WDR83OS: variants seen among roughly 807,000 people sequenced by gnomAD.
The protein encoded by WDR83OS is WD repeat domain 83 opposite strand.
A neutral mutation model predicts 13.7 loss-of-function variants in WDR83OS; 15 were observed. The ratio of observed to expected loss-of-function variants is 1.09; its 90% CI spans 0.73 to 1.69. The LOEUF (loss-of-function observed/expected upper bound fraction) is 1.69, where lower values mean the gene tolerates loss of function less well. WDR83OS is among the 40% of genes most tolerant of loss of function. WDR83OS has a pLI of 0.00. For missense variants in WDR83OS, 145 were observed against 143.2 expected, an observed-to-expected ratio of 1.01 and a Z score of -0.06; for synonymous variants, 68 against 52.9, an observed-to-expected ratio of 1.29 and a Z score of -1.24.
At chr19:12,668,803 T>C (rs911987235) in intron 2 of WDR83OS, among the ~76,000 whole-genome samples, 186 bp from the exon 3 acceptor site, 2 of 152,202 alleles carry the variant, frequency 1.3e-5, no homozygotes, top group African/African-American at 4.8e-5. Context: ...CTAGTCCTAC[T>C]GTCTGGCCTG....
Position 12,668,338 on chromosome 19 carries a change from T to C in WDR83OS, c.*21A>G. 1.9e-6 allele frequency: 3 copies of C among 1,604,772 alleles called. 1 individual carries two copies. The highest frequency in any genetic ancestry group is 2.2e-5 in the South Asian group (2 of 89,294). On this transcript the variant is annotated 3_prime_UTR_variant, in exon 4 of 4. Coordinates refer to ENST00000596731, the MANE Select transcript of WDR83OS (RefSeq NM_016145.4). ...CCTAGTGGATAGACAGGGTCCAAAA[T>C]GTGACCCTTCTAGGCTGGTATCACC...
intron 3 of WDR83OS, 43 bp downstream of exon 3, chr19:12,668,477 A>AC (rs776444160): frequency 1.2e-6 from 2 of 1,613,424 alleles, no homozygotes; most frequent in Admixed American, 3.3e-5. Context: ...GGGTCCCCCC[A>AC]CCCCTTACTC....
At chr19:12,669,038 C>G (rs2024332914) in intron 2 of WDR83OS, 90 bp downstream of exon 2, 1 of 1,350,238 alleles carries the variant, frequency 7.4e-7, no homozygotes, top group African/African-American at 1.4e-5. Context: ...GCCCCATCAG[C>G]AATGACAAGA....
rs1362624919 is a variant in WDR83OS at position 12,668,156 on chromosome 19, C to CA, written c.*202dup. 25 of 574,984 alleles carry CA rather than the reference C, an allele frequency of 4.3e-5. No homozygotes were observed. The African/African-American group carries it at 4.7e-4, about 11-fold the overall frequency. The allele number at this position is 574,984 out of a possible 1,614,324, so 35.6% of individuals were successfully genotyped here. ...GAAACATGGACAGCATCTCCCCCAG[C>CA]AGCAGGCAGGGGAAGGGAGGCAGGA... On this transcript the variant is annotated 3_prime_UTR_variant, in exon 4 of 4. Coordinates refer to ENST00000596731, the MANE Select transcript of WDR83OS (RefSeq NM_016145.4).
Position 12,668,324 on chromosome 19 carries a change from G to T in WDR83OS, c.*35C>A. ...AGCCAAAGCCCAGGCCTAGTGGATA[G>T]ACAGGGTCCAAAATGTGACCCTTCT... On this transcript the variant is annotated 3_prime_UTR_variant, in exon 4 of 4. Coordinates refer to ENST00000596731, the MANE Select transcript of WDR83OS (RefSeq NM_016145.4). 6.3e-7 allele frequency: 1 copy of T among 1,590,558 alleles called. No individual in the cohort carries two copies. Among genetic ancestry groups the T allele is most frequent in the South Asian group, 1.1e-5 (1 of 87,792 alleles).
rs1372377105 is a variant in WDR83OS at position 12,668,318 on chromosome 19, T to A, written c.*41A>T. 2 of 1,583,388 alleles carry A rather than the reference T, an allele frequency of 1.3e-6. No individual in the cohort carries two copies. The highest frequency in any genetic ancestry group is 2.7e-5 in the African/African-American group (2 of 74,462). ...TTTAGCAGCCAAAGCCCAGGCCTAG[T>A]GGATAGACAGGGTCCAAAATGTGAC... On this transcript the variant is annotated 3_prime_UTR_variant, in exon 4 of 4. Coordinates refer to ENST00000596731, the MANE Select transcript of WDR83OS (RefSeq NM_016145.4).
In WDR83OS at chr19:12,668,632, G is replaced by A; in HGVS notation, c.157-15C>T. ...CACCACTTCAGCTAGGGAAAGGTAAGTGGGTGGGCAGGTTAGTGAAAGGCA... is the reference window on the plus strand; with the variant it reads ...CACCACTTCAGCTAGGGAAAGGTAAATGGGTGGGCAGGTTAGTGAAAGGCA... On this transcript the variant is annotated splice_polypyrimidine_tract_variant and intron_variant, in intron 2 of 3. Transcript: ENST00000596731. The A allele has an allele frequency of 6.2e-7, 1 of 1,612,326 alleles. No homozygotes were observed. Among genetic ancestry groups the A allele is most frequent in the Non-Finnish European group, 8.5e-7 (1 of 1,178,806 alleles).
At chr19:12,669,054 C>T in intron 2 of WDR83OS, 74 bp downstream of exon 2, 1 of 1,495,886 alleles carries the variant, frequency 6.7e-7, no homozygotes, top group Non-Finnish European at 9.3e-7. Context: ...CAAGACACCC[C>T]GCTTCATTCC....
In WDR83OS at chr19:12,668,091, TAAC is replaced by T; in HGVS notation, c.*265_*267del. 2 of 413,986 alleles carry T rather than the reference TAAC, an allele frequency of 4.8e-6. No individual in the cohort carries two copies. The highest frequency in any genetic ancestry group is 9.0e-6 in the Non-Finnish European group (2 of 222,754). The allele number at this position is 413,986 out of a possible 1,614,324, so 25.6% of individuals were successfully genotyped here. A position where few individuals can be genotyped will look rare whatever the true frequency, so the allele number is the denominator to read the frequency against. On this transcript the variant is annotated 3_prime_UTR_variant, in exon 4 of 4. Coordinates refer to ENST00000596731, the MANE Select transcript of WDR83OS (RefSeq NM_016145.4). ...TGACAGCCAGAGTGAAAAACTTTAT[TAAC>T]AACAGGTTTCAACGAGAAAGCAAAT...
rs779137124 is a variant in WDR83OS at position 12,668,586 on chromosome 19, C to A, written c.188G>T (p.Cys63Phe). The change falls in exon 3 of 4, where the codon TGC becomes TTC. Residue 63 changes from cysteine to phenylalanine, a missense_variant. Coordinates refer to ENST00000596731, the MANE Select transcript of WDR83OS (RefSeq NM_016145.4). ...LKWCAWVAVY[C>F]SFISFANSRS... ...AGAGTTGGCAAAGCTGATGAAGGAG[C>A]AGTAGACAGCGACCCAAGCACACCA... 1 of 1,614,080 alleles carries A rather than the reference C, an allele frequency of 6.2e-7. No homozygotes were observed. The highest frequency in any genetic ancestry group is 8.5e-7 in the Non-Finnish European group (1 of 1,180,000).
chr19:12,668,772 C>T, intron 2 of WDR83OS, 155 bp from the exon 3 acceptor site: 1 of 687,328 alleles, frequency 1.5e-6, no homozygotes, highest in Admixed American at 2.1e-5. Flanking sequence ...CTGCTCATGG[C>T]ATACTCTAGA....
chr19:12,668,928 C>T (rs1264843749), intron 2 of WDR83OS, among the ~76,000 whole-genome samples, 200 bp downstream of exon 2: 1 of 152,166 alleles, frequency 6.6e-6, no homozygotes, highest in Non-Finnish European at 1.5e-5. Flanking sequence ...GACCAATCTG[C>T]CACATCCCCA....
intron 1 of WDR83OS, 21 bp downstream of exon 1, chr19:12,669,333 C>T: frequency 1.2e-6 from 2 of 1,605,480 alleles, no homozygotes; most frequent in South Asian, 1.1e-5. Context: ...GAACCCGTGC[C>T]CACGACGCTG....
At chr19:12,668,639 G>T in intron 2 of WDR83OS, 22 bp from the exon 3 acceptor site, 1 of 1,608,214 alleles carries the variant, frequency 6.2e-7, no homozygotes, top group Non-Finnish European at 8.5e-7. Flanking sequence ...TAAGTGGGTG[G>T]GCAGGTTAGT....
At position 12,669,409 on chromosome 19, in the gene WDR83OS, G is replaced by C. The variant is rs1351666985; in HGVS notation, c.-6C>G. On this transcript the variant is annotated 5_prime_UTR_variant, in exon 1 of 4. Coordinates refer to ENST00000596731, the MANE Select transcript of WDR83OS (RefSeq NM_016145.4). ...GACATATTGTTAGTGGACATAGCGA[G>C]TCGAAGGCCAGATCACGCCTCTTCC... 2 of 1,593,052 alleles carry C rather than the reference G, an allele frequency of 1.3e-6. No individual in the cohort carries two copies. Among genetic ancestry groups the C allele is most frequent in the East Asian group, 2.3e-5 (1 of 44,078 alleles).
At position 12,669,384 on chromosome 19, in the gene WDR83OS, G is replaced by C; in HGVS notation, c.20C>G (p.Ser7Trp). The C allele has an allele frequency of 6.2e-7, 1 of 1,600,806 alleles. No homozygotes were observed. Among genetic ancestry groups the C allele is most frequent in the Non-Finnish European group, 8.5e-7 (1 of 1,173,168 alleles). MSTNNM[S>W]DPRRPNKVLR... Reference sequence around the variant, plus strand: ...CACTTTGTTCGGCCTCCGTGGGTCCGACATATTGTTAGTGGACATAGCGAG... The same window carrying C: ...CACTTTGTTCGGCCTCCGTGGGTCCCACATATTGTTAGTGGACATAGCGAG... The change falls in exon 1 of 4, where the codon TCG becomes TGG. Residue 7 changes from serine (S) to tryptophan (W), a missense_variant. Transcript: ENST00000596731.
Position 12,668,317 on chromosome 19 carries a change from G to A in WDR83OS, c.*42C>T. ...GTTTAGCAGCCAAAGCCCAGGCCTA[G>A]TGGATAGACAGGGTCCAAAATGTGA... On this transcript the variant is annotated 3_prime_UTR_variant, in exon 4 of 4. Coordinates refer to ENST00000596731, the MANE Select transcript of WDR83OS (RefSeq NM_016145.4). The A allele has an allele frequency of 6.3e-7, 1 of 1,582,740 alleles. No individual in the cohort carries two copies. The highest frequency in any genetic ancestry group is 8.6e-7 in the Non-Finnish European group (1 of 1,163,404).
At chr19:12,668,724 G>T in intron 2 of WDR83OS, 107 bp from the exon 3 acceptor site, 1 of 954,414 alleles carries the variant, frequency 1.0e-6, no homozygotes, top group Non-Finnish European at 1.6e-6. Flanking sequence ...ATCTGATGCA[G>T]CTGGGACCTT....
At position 12,669,234 on chromosome 19, in the gene WDR83OS, C is replaced by A. The variant is rs1235803226; in HGVS notation, c.51-1G>T. Reference sequence around the variant, plus strand: ...ACATTCGCTCGGCGGGGGCTTGTACCTGCGACAGGCTCGAGGGTCAGGGGC... The same window carrying A: ...ACATTCGCTCGGCGGGGGCTTGTACATGCGACAGGCTCGAGGGTCAGGGGC... On this transcript the variant is annotated splice_acceptor_variant, in intron 1 of 3. Coordinates refer to ENST00000596731, the MANE Select transcript of WDR83OS (RefSeq NM_016145.4). LOFTEE classifies it high-confidence loss of function. 1 of 1,613,960 alleles carries A rather than the reference C, an allele frequency of 6.2e-7. No individual in the cohort carries two copies. Among genetic ancestry groups the A allele is most frequent in the Admixed American group, 1.7e-5 (1 of 60,012 alleles).
Sources: gnomAD v4.1 joint callset for allele counts (sites outside exome capture counted in the v4.1 genomes callset) on GRCh38, gnomAD v4.1.1 for gene constraint, MANE v1.5 for transcripts, NCBI Gene and HGNC (gene_info 2026-07-23, HGNC 2026-07-21) for gene names.